The following PLEKHG4 variants were observed in gnomAD, a reference collection of about 807,000 sequenced individuals.
PLEKHG4 encodes the protein pleckstrin homology and RhoGEF domain containing G4, also known as puratrophin-1.
A neutral mutation model predicts 136.9 loss-of-function variants in PLEKHG4; 85 were observed. The observed-to-expected ratio is 0.62, with a 90% CI of 0.52 to 0.74. The LOEUF (loss-of-function observed/expected upper bound fraction) is 0.74, where lower values mean the gene tolerates loss of function less well. PLEKHG4 is among the 30% of genes least tolerant of loss of function. The probability of loss-of-function intolerance (pLI) is 0.00; values close to 1 mark genes in which losing one functional copy is unlikely to be tolerated. For missense variants in PLEKHG4, 1,317 were observed against 1,527.8 expected (o/e 0.86, Z 2.30); for synonymous variants, 577 against 646.9 (o/e 0.89, Z 1.64).
rs751061606 is a variant in PLEKHG4 at position 67,281,108 on chromosome 16, T to G, written c.737T>G (p.Leu246Arg). 9 of 1,614,042 alleles carry G rather than the reference T, an allele frequency of 5.6e-6. No homozygotes were observed. In the African/African-American group the frequency reaches 1.2e-4, roughly 22 times the overall value. Reference protein sequence around the residue: ...RSIPRPEVQALGLTVLVDARI... With the variant: ...RSIPRPEVQARGLTVLVDARI... ...CCCTTTAGGCCCGAAGTACAGGCAC[T>G]GGGACTGACAGTGCTAGTTGATGCC... Residue 246 changes from leucine to arginine, a missense_variant, in exon 5 of 22, where the codon CTG becomes CGG. By Grantham distance (102) the Leu-to-Arg change is moderately radical. Transcript: ENST00000379344.
rs1345862062 is a variant in PLEKHG4 at position 67,286,451 on chromosome 16, C to G, written c.2539C>G (p.Gln847Glu). Reference sequence around the variant, plus strand: ...GCCTCCCATCCGCCCACAGGACAAGCAGCAAGCACTGGGGGACCACCTGGA... The same window carrying G: ...GCCTCCCATCCGCCCACAGGACAAGGAGCAAGCACTGGGGGACCACCTGGA... ...SYGHTFFKDK[Q>E]QALGDHLDLA... Residue 847 changes from glutamine to glutamate, a missense_variant, in exon 16 of 22, where the codon CAG becomes GAG. Gln to Glu is a conservative substitution (Grantham distance 29). Transcript: ENST00000379344. 2 of 1,612,294 alleles carry G rather than the reference C, an allele frequency of 1.2e-6. No individual in the cohort carries two copies. The highest frequency in any genetic ancestry group is 2.2e-5 in the East Asian group (1 of 44,864).
At position 67,282,852 on chromosome 16, in the gene PLEKHG4, T is replaced by G. The variant is rs138366158; in HGVS notation, c.1503T>G (p.Val501=). 4.7e-5 allele frequency: 75 copies of G among 1,612,122 alleles called. 1 individual carries two copies. The African/African-American group carries it at 8.5e-4, about 18-fold the overall frequency. Residue 501 remains valine, a synonymous_variant, in exon 11 of 22, where the codon GTT becomes GTG. Transcript: ENST00000379344. ...AQGSFQELYQ[V]AQEQVRQGEK... Reference sequence around the variant, plus strand: ...GCTCTTTTCAGGAGCTGTACCAGGTTGCCCAGGTATATGTGGTCACTTGTT... The same window carrying G: ...GCTCTTTTCAGGAGCTGTACCAGGTGGCCCAGGTATATGTGGTCACTTGTT...
Position 67,288,822 on chromosome 16 carries a change from C to A in PLEKHG4, c.*14C>A, listed in dbSNP as rs367954004. 6.2e-7 allele frequency: 1 copy of A among 1,613,488 alleles called. No individual in the cohort carries two copies. Among genetic ancestry groups the A allele is most frequent in the Non-Finnish European group, 8.5e-7 (1 of 1,179,758 alleles). ...CTGCAGGTCTGAGCCCGGGACTGGA[C>A]GAGCAGTAGATCCAGCAGCCTGCAG... On this transcript the variant is annotated 3_prime_UTR_variant, in exon 22 of 22. Coordinates refer to ENST00000379344, the MANE Select transcript of PLEKHG4 (RefSeq NM_001129729.3).
At position 67,285,279 on chromosome 16, in the gene PLEKHG4, A is replaced by G; in HGVS notation, c.2196-11A>G. 6.2e-7 allele frequency: 1 copy of G among 1,613,914 alleles called. No individual in the cohort carries two copies. The highest frequency in any genetic ancestry group is 8.5e-7 in the Non-Finnish European group (1 of 1,179,928). ...GAGATGTCTTGGGTCCTGACTCCCC[A>G]TACCTGGTAGGCTACAGCTGGTGCT... On this transcript the variant is annotated splice_polypyrimidine_tract_variant and intron_variant, in intron 13 of 21. Transcript: ENST00000379344.
At chr16:67,283,614 G>C (rs760466497) in intron 11 of PLEKHG4, among the ~76,000 whole-genome samples, 1 of 152,144 alleles carries the variant, frequency 6.6e-6, no homozygotes, top group Non-Finnish European at 1.5e-5. Flanking sequence ...ATGTTGCAAG[G>C]ATGAATGGGT....
At position 67,286,621 on chromosome 16, in the gene PLEKHG4, G is replaced by T; in HGVS notation, c.2709G>T (p.Arg903=). The T allele has an allele frequency of 6.4e-7, 1 of 1,563,470 alleles. No homozygotes were observed. Among genetic ancestry groups the T allele is most frequent in the Non-Finnish European group, 8.7e-7 (1 of 1,153,352 alleles). The part of the protein sequence containing the change: ...EAQSLVHFQL[R]HGNDLLAMDA... ...AGAGCCTTGTGCACTTCCAGCTGCGGCACGGAAACGACCTGCTGGCCATGG... is the reference window on the plus strand; with the variant it reads ...AGAGCCTTGTGCACTTCCAGCTGCGTCACGGAAACGACCTGCTGGCCATGG... The change falls in exon 16 of 22, where the codon CGG becomes CGT. Residue 903 remains arginine, a synonymous_variant. Transcript: ENST00000379344.
At position 67,285,013 on chromosome 16, in the gene PLEKHG4, G is replaced by A. The variant is rs772927488; in HGVS notation, c.1993G>A (p.Ala665Thr). Residue 665 changes from alanine (A) to threonine (T), a missense_variant, in exon 13 of 22, where the codon GCT (alanine) becomes ACT (threonine). Ala to Thr is a moderately conservative substitution (Grantham distance 58, BLOSUM62 0). Coordinates refer to ENST00000379344, the MANE Select transcript of PLEKHG4 (RefSeq NM_001129729.3). ...TAGCCTGTGTGTCAGCCAGGTCCCC[G>A]CTGCACCTGCCCACCCTCCCCTGAG... ...TASLCVSQVP[A>T]APAHPPLRKA... is the part of the protein sequence containing the mutation. 1.2e-5 allele frequency: 20 copies of A among 1,613,416 alleles called. No individual in the cohort carries two copies. Among genetic ancestry groups the A allele is most frequent in the South Asian group, 3.3e-5 (3 of 91,090 alleles).
intron 5 of PLEKHG4, 92 bp downstream of exon 5, chr16:67,281,276 T>G (rs1597376879): frequency 1.0e-6 from 1 of 986,260 alleles, no homozygotes; most frequent in East Asian, 2.4e-5. Context: ...CAGGCTGGAG[T>G]GCAGTGGCGC....
intron 18 of PLEKHG4, chr16:67,287,424 G>C (rs534610307): frequency 1.3e-3 from 770 of 578,154 alleles, no homozygotes; most frequent in Middle Eastern, 2.3e-3. Flanking sequence ...TTTGGAGACA[G>C]GGTCTCGCTC....
Position 67,280,629 on chromosome 16 carries a change from C to T in PLEKHG4, c.500-82C>T, listed in dbSNP as rs1391076417. The T allele has an allele frequency of 6.2e-7, 1 of 1,611,804 alleles. No individual in the cohort carries two copies. The highest frequency in any genetic ancestry group is 1.1e-5 in the South Asian group (1 of 91,056). On this transcript the variant is annotated intron_variant, in intron 2 of 21. Transcript: ENST00000379344. The surrounding 1 kb of genome is among the most constrained non-coding windows in gnomAD (Gnocchi z 4.4). Reference sequence around the variant, plus strand: ...GTCAAGACTTTGGAGGTCTCTGACCCTACTCAGGCTGAAGCCCGGGTCCAA... The same window carrying T: ...GTCAAGACTTTGGAGGTCTCTGACCTTACTCAGGCTGAAGCCCGGGTCCAA...
chr16:67,279,202 C>T (rs2036092459), upstream of PLEKHG4: 1 of 152,166 alleles, frequency 6.6e-6, no homozygotes, highest in Admixed American at 6.5e-5. Flanking sequence ...GCGTCCTCGC[C>T]AGGCCCGGGG....
Position 67,283,846 on chromosome 16 carries a change from G to C in PLEKHG4, c.1510-429G>C, listed in dbSNP as rs539111904. On this transcript the variant is annotated intron_variant, in intron 11 of 21. Transcript: ENST00000379344. ...CACACAAGAGTGCCTGGGAGAGCGA[G>C]TGCACTGTCCTCAGGATCCCCAGTG... Among the ~76,000 whole-genome samples the C allele has an allele frequency of 2.6e-5, 4 of 152,190 alleles. No homozygotes were observed. The South Asian group carries it at 8.3e-4, about 32-fold the overall frequency.
chr16:67,282,825 A>G lies in PLEKHG4; in HGVS notation c.1476A>G (p.Gln492=). 1 of 1,613,436 alleles carries G rather than the reference A, an allele frequency of 6.2e-7. No individual in the cohort carries two copies. The highest frequency in any genetic ancestry group is 2.2e-5 in the East Asian group (1 of 44,874). Residue 492 remains glutamine, a synonymous_variant, in exon 11 of 22, where the codon CAA becomes CAG. Coordinates refer to ENST00000379344, the MANE Select transcript of PLEKHG4 (RefSeq NM_001129729.3). ...EPSLDMLLQA[Q]GSFQELYQVA... is the part of the protein sequence containing the mutation. Reference sequence around the variant, plus strand: ...CGCTGGACATGCTGCTCCAGGCCCAAGGCTCTTTTCAGGAGCTGTACCAGG... The same window carrying G: ...CGCTGGACATGCTGCTCCAGGCCCAGGGCTCTTTTCAGGAGCTGTACCAGG...
rs753942478 is a variant in PLEKHG4, at chr16:67,282,144, C to T, written c.1104+37C>T. The T allele has an allele frequency of 2.5e-6, 4 of 1,613,202 alleles. No homozygotes were observed. The South Asian group carries it at 4.4e-5, about 18-fold the overall frequency. The stretch of plus-strand genomic sequence containing the variant: ...CTCCCAGTCCCTCCATGAATGCTCC[C>T]TGTCTCCCTCCTTCTCTCCCATGGC... On this transcript the variant is annotated intron_variant, in intron 8 of 21. Coordinates refer to ENST00000379344, the MANE Select transcript of PLEKHG4 (RefSeq NM_001129729.3).
chr16:67,286,142 G>C, intron 14 of PLEKHG4, 132 bp from the exon 15 acceptor site: 1 of 732,622 alleles, frequency 1.4e-6, no homozygotes, highest in Non-Finnish European at 2.5e-6. Context: ...GGGAAGACTG[G>C]GTCTGTAGGG....
At position 67,287,972 on chromosome 16, in the gene PLEKHG4, G is replaced by A. The variant is rs148560131; in HGVS notation, c.3178G>A (p.Ala1060Thr). The change falls in exon 19 of 22, where the codon GCC becomes ACC. Residue 1060 changes from alanine to threonine, a missense_variant. Ala to Thr is a moderately conservative substitution (Grantham distance 58). Transcript: ENST00000379344. ...AFRDIAPSEE[A>T]INDRTVNYVL... ...CCGAGACATTGCTCCCAGCGAGGAA[G>A]CCATCAACGACCGCACCGTCAACTA... 5 of 1,613,910 alleles carry A rather than the reference G, an allele frequency of 3.1e-6. No homozygotes were observed. The highest frequency in any genetic ancestry group is 4.2e-6 in the Non-Finnish European group (5 of 1,179,892).
rs142391556 is a variant in PLEKHG4, at chr16:67,285,361, A to G, written c.2267A>G (p.Glu756Gly). 1.6e-3 allele frequency: 2,647 copies of G among 1,614,196 alleles called. 3 individuals are homozygous for G. Among genetic ancestry groups the G allele is most frequent in the Non-Finnish European group, 2.1e-3 (2,471 of 1,180,026 alleles). ...GTCCGGGCTCTAGAGTACACTATGG[A>G]GAACTATTTCCCCGAGCTGGATCGC... is the stretch of plus-strand genomic sequence containing the variant. ...EYVRALEYTM[E>G]NYFPELDRPD... The change falls in exon 14 of 22, where the codon GAG becomes GGG. Residue 756 changes from glutamate to glycine, a missense_variant. By Grantham distance (98) the Glu-to-Gly change is moderately conservative. Coordinates refer to ENST00000379344, the MANE Select transcript of PLEKHG4 (RefSeq NM_001129729.3).
At chr16:67,281,271 T>C in intron 5 of PLEKHG4, 87 bp downstream of exon 5, 2 of 1,011,882 alleles carry the variant, frequency 2.0e-6, no homozygotes, top group South Asian at 2.6e-5. Context: ...TCGCCCAGGC[T>C]GGAGTGCAGT....
Position 67,282,036 on chromosome 16 carries a change from C to G in PLEKHG4, c.1033C>G (p.Gln345Glu), listed in dbSNP as rs1597378036. The G allele has an allele frequency of 1.2e-6, 2 of 1,613,448 alleles. No homozygotes were observed. The highest frequency in any genetic ancestry group is 2.2e-5 in the South Asian group (2 of 91,080). ...RRLEALLQNCQAACALLQGAI... is the reference protein window; with the variant it reads ...RRLEALLQNCEAACALLQGAI... ...GCTGGAAGCTCTACTACAGAACTGC[C>G]AGGCAGCTTGTGCCCTGCTCCAGGG... The change falls in exon 8 of 22, where the codon CAG becomes GAG. Residue 345 changes from glutamine to glutamate, a missense_variant. Physicochemically the swap from Gln to Glu is conservative, Grantham distance 29. Transcript: ENST00000379344.
Sources: allele counts gnomAD v4.1 joint callset (sites outside exome capture counted in the v4.1 genomes callset), GRCh38; gene constraint gnomAD v4.1.1; non-coding constraint Gnocchi (gnomAD v3.1); transcripts MANE v1.5; gene names NCBI Gene and HGNC (gene_info 2026-07-23, HGNC 2026-07-21).